The following NLGN1 variants were observed in gnomAD, a reference collection of about 807,000 sequenced individuals.
NLGN1 encodes the protein neuroligin 1, also known as neuroligin-1.
NLGN1 carries 12 observed loss-of-function variants against 65.5 expected under a neutral mutation model. That is an observed-to-expected ratio of 0.18 (90% confidence interval 0.12 to 0.30). NLGN1 has a LOEUF of 0.30. NLGN1 is among the 10% of genes least tolerant of loss of function. The pLI is 1.00. For missense variants in NLGN1, 750 were observed against 1,007.1 expected (o/e 0.74, Z 3.46); for synonymous variants, 350 against 359.5 (o/e 0.97, Z 0.30).
At chr3:173,752,841 C>T (rs936232656) in intron 3 of NLGN1, among the ~76,000 whole-genome samples, 1 of 152,072 alleles carries the variant, frequency 6.6e-6, no homozygotes, top group Non-Finnish European at 1.5e-5. Flanking sequence ...AGTTCTTCCC[C>T]AGTCCTCAAC....
In NLGN1 at chr3:173,647,810, A is replaced by G. The variant is rs1758514723; in HGVS notation, c.493+42719A>G. On this transcript the variant is annotated intron_variant, in intron 3 of 6. Coordinates refer to ENST00000457714, the Ensembl canonical transcript of NLGN1. ...CTGCCAAAGCCAATAACATGAAAATATGAAATACATAGGGATGAATATGAC... is the reference window on the plus strand; with the variant it reads ...CTGCCAAAGCCAATAACATGAAAATGTGAAATACATAGGGATGAATATGAC... 3.3e-5 allele frequency among the ~76,000 whole-genome samples: 5 copies of G among 152,232 alleles called. 1 individual carries two copies. In the South Asian group the frequency reaches 1.0e-3, roughly 32 times the overall value.
intron 4 of NLGN1, among the ~76,000 whole-genome samples, chr3:174,152,795 C>T (rs1373314676): frequency 6.6e-6 from 1 of 152,148 alleles, no homozygotes; most frequent in Admixed American, 6.6e-5. Context: ...TTTATTTAAT[C>T]TCCAACTAAG....
In NLGN1 at chr3:174,211,995, G is replaced by A. The variant is rs925680934; in HGVS notation, c.647-63320G>A. ...CGTACTCCTCAGCCCTTGGGTGGTC[G>A]ATGGGACTGGGTGCCATGGAGCAGG... On this transcript the variant is annotated intron_variant, in intron 4 of 6. Coordinates refer to ENST00000457714, the Ensembl canonical transcript of NLGN1. 2.0e-5 allele frequency among the ~76,000 whole-genome samples: 3 copies of A among 152,276 alleles called. No individual in the cohort carries two copies. The East Asian group carries it at 5.8e-4, about 30-fold the overall frequency.
intron 4 of NLGN1, among the ~76,000 whole-genome samples, chr3:173,882,669 G>A (rs1300994989): frequency 1.3e-5 from 2 of 152,158 alleles, no homozygotes; most frequent in Admixed American, 1.3e-4. Context: ...AGAGTTAAGG[G>A]CTTACTGTAG....
chr3:174,037,047 T>G (rs1420222490), intron 4 of NLGN1, among the ~76,000 whole-genome samples: 2 of 152,310 alleles, frequency 1.3e-5, no homozygotes, highest in East Asian at 3.9e-4. Flanking sequence ...TCGTAAATAG[T>G]GCTTCAATGA....
intron 4 of NLGN1, among the ~76,000 whole-genome samples, chr3:173,986,450 C>G (rs1212033082): frequency 6.6e-6 from 1 of 151,924 alleles, no homozygotes; most frequent in Non-Finnish European, 1.5e-5. Context: ...GCCTAGGCAA[C>G]AGAGCAAGAC....
At chr3:173,776,021 G>A (rs1253984798) in intron 3 of NLGN1, among the ~76,000 whole-genome samples, 1 of 151,988 alleles carries the variant, frequency 6.6e-6, no homozygotes, top group Non-Finnish European at 1.5e-5. Context: ...ATCAACATTA[G>A]CTTATCTGTG....
chr3:174,050,906 G>A (rs1171253340), intron 4 of NLGN1, among the ~76,000 whole-genome samples: 1 of 152,030 alleles, frequency 6.6e-6, no homozygotes, highest in South Asian at 2.1e-4. Flanking sequence ...AGTTGAGCAC[G>A]ATGATTCCAG....
intron 4 of NLGN1, among the ~76,000 whole-genome samples, chr3:173,864,017 A>T (rs905480838): frequency 1.3e-5 from 2 of 152,222 alleles, no homozygotes; most frequent in African/African-American, 4.8e-5. Context: ...TGGAAGAATA[A>T]TGATCTGTCT....
In NLGN1 at chr3:174,058,199, C is replaced by T. The variant is rs535442499; in HGVS notation, c.647-217116C>T. ...ATTCATGGATATGCAGTTTGTGCAT[C>T]GGGAATTAGCCAGAGAGGCAGTTTT... On this transcript the variant is annotated intron_variant, in intron 4 of 6. Coordinates refer to ENST00000457714, the Ensembl canonical transcript of NLGN1. 5.9e-5 allele frequency among the ~76,000 whole-genome samples: 9 copies of T among 152,168 alleles called. 1 individual carries two copies. The South Asian group carries it at 6.2e-4, about 11-fold the overall frequency.
At chr3:173,622,946 C>T (rs1012955500) in intron 3 of NLGN1, among the ~76,000 whole-genome samples, 1 of 152,088 alleles carries the variant, frequency 6.6e-6, no homozygotes, top group Non-Finnish European at 1.5e-5. Context: ...CATAGCCTTC[C>T]AGATCATTTA....
chr3:173,414,413 C>T (rs1713250075), intron 1 of NLGN1, among the ~76,000 whole-genome samples: 2 of 152,020 alleles, frequency 1.3e-5, no homozygotes, highest in South Asian at 4.2e-4. Flanking sequence ...CCTCAGGACG[C>T]TAGGAAACCA....
At chr3:174,233,480 C>G (rs1359164533) in intron 4 of NLGN1, among the ~76,000 whole-genome samples, 1 of 145,534 alleles carries the variant, frequency 6.9e-6, no homozygotes, top group Non-Finnish European at 1.5e-5. Flanking sequence ...GAGCAAAACT[C>G]TGTCTCATAA....
intron 3 of NLGN1, among the ~76,000 whole-genome samples, chr3:173,779,483 T>C (rs939888750): frequency 2.4e-4 from 37 of 151,784 alleles, no homozygotes; most frequent in Non-Finnish European, 3.7e-4. Flanking sequence ...GTTTTTACTC[T>C]CCCTTATTTA....
chr3:174,206,268 T>G (rs1421418), intron 4 of NLGN1, among the ~76,000 whole-genome samples: 113,644 of 152,088 alleles, frequency 0.75, 42,494 homozygotes, highest in East Asian at 0.8. Flanking sequence ...TTTCTTCACT[T>G]GGTCTCCTCT....
chr3:174,053,266 C>A (rs1214122095), intron 4 of NLGN1, among the ~76,000 whole-genome samples: 3 of 151,892 alleles, frequency 2.0e-5, no homozygotes, highest in African/African-American at 7.2e-5. Flanking sequence ...ATATTTTGCT[C>A]TACTCAGGTC....
chr3:173,698,317 GA>G (rs1005621377), intron 3 of NLGN1, among the ~76,000 whole-genome samples: 3 of 152,262 alleles, frequency 2.0e-5, no homozygotes, highest in African/African-American at 7.2e-5. Flanking sequence ...TCAAATCGAA[GA>G]TTTTTTTTAT....
At chr3:174,068,643 G>C (rs988004248) in intron 4 of NLGN1, among the ~76,000 whole-genome samples, 7 of 151,976 alleles carry the variant, frequency 4.6e-5, no homozygotes, top group African/African-American at 1.7e-4. Flanking sequence ...CTATTTGCAG[G>C]CTTTCAAAAT....
intron 4 of NLGN1, among the ~76,000 whole-genome samples, chr3:173,915,601 A>G (rs1344583151): frequency 6.6e-6 from 1 of 152,196 alleles, no homozygotes; most frequent in Non-Finnish European, 1.5e-5. Context: ...TGCTGATACA[A>G]TCTATTCAAA....
Sources: allele counts gnomAD v4.1 joint callset (sites outside exome capture counted in the v4.1 genomes callset), GRCh38; gene constraint gnomAD v4.1.1; transcripts MANE v1.5; gene names NCBI Gene and HGNC (gene_info 2026-07-23, HGNC 2026-07-21).